OLFM4: variants seen among roughly 807,000 people sequenced by gnomAD.
The protein encoded by OLFM4 is olfactomedin-4.
Under a neutral mutation model 25.5 loss-of-function variants are expected in OLFM4, and 22 were observed. The ratio of observed to expected loss-of-function variants is 0.86; its 90% CI spans 0.62 to 1.23. OLFM4 has a LOEUF of 1.23. OLFM4 is among the 50% of genes most tolerant of loss of function. OLFM4 has a pLI of 0.00. For synonymous variants in OLFM4, 255 were observed against 237.7 expected, an observed-to-expected ratio of 1.07 and a Z score of -0.67; for missense variants, 594 against 619.4, an observed-to-expected ratio of 0.96 and a Z score of 0.44.
At position 53,041,981 on chromosome 13, in the gene OLFM4, C is replaced by A; in HGVS notation, c.429C>A (p.Ile143=). 1 of 1,613,856 alleles carries A rather than the reference C, an allele frequency of 6.2e-7. No homozygotes were observed. Among genetic ancestry groups the A allele is most frequent in the Non-Finnish European group, 8.5e-7 (1 of 1,179,816 alleles). Reference sequence around the variant, plus strand: ...TAAACCTAACTGTCCGAATTGACATCATGGAGAAGGATACCATTTCTTACA... The same window carrying A: ...TAAACCTAACTGTCCGAATTGACATAATGGAGAAGGATACCATTTCTTACA... ...KLLNLTVRID[I]MEKDTISYTE... The change falls in exon 3 of 5, where the codon ATC becomes ATA. Residue 143 remains isoleucine, a synonymous_variant. Coordinates refer to ENST00000219022, the MANE Select transcript of OLFM4 (RefSeq NM_006418.5).
chr13:53,039,603 A>T (rs1461611298), intron 2 of OLFM4, among the ~76,000 whole-genome samples: 7 of 152,184 alleles, frequency 4.6e-5, no homozygotes, highest in African/African-American at 1.7e-4. Context: ...ATTTGGGAGG[A>T]TGTGTGTAGA....
chr13:53,042,981 C>A, intron 3 of OLFM4, 124 bp from the exon 4 acceptor site: 1 of 697,784 alleles, frequency 1.4e-6, no homozygotes, highest in Non-Finnish European at 2.3e-6. Flanking sequence ...CAAATGAAAC[C>A]ATTCAGAAGA....
chr13:53,034,229 T>C, intron 1 of OLFM4, 119 bp from the exon 2 acceptor site: 1 of 859,358 alleles, frequency 1.2e-6, no homozygotes. Context: ...TATTCATTTA[T>C]GTATTGGACT....
At chr13:53,036,325 A>G (rs557918395) in intron 2 of OLFM4, among the ~76,000 whole-genome samples, 2 of 152,364 alleles carry the variant, frequency 1.3e-5, no homozygotes, top group East Asian at 3.9e-4. Flanking sequence ...GCATAAAAAC[A>G]TAACAAGTAG....
intron 1 of OLFM4, among the ~76,000 whole-genome samples, chr13:53,029,331 A>G (rs1954616257): frequency 6.6e-6 from 1 of 152,166 alleles, no homozygotes; most frequent in Admixed American, 6.5e-5. Context: ...GGGGACTCTA[A>G]AAGTACAGAT....
chr13:53,031,501 G>A (rs1165041548), intron 1 of OLFM4, among the ~76,000 whole-genome samples: 3 of 152,196 alleles, frequency 2.0e-5, no homozygotes, highest in Middle Eastern at 3.4e-3. Context: ...TGCCTCAGAC[G>A]TCTCCCTCCT....
intron 4 of OLFM4, among the ~76,000 whole-genome samples, chr13:53,043,557 A>T (rs759163310): frequency 1.1e-3 from 160 of 152,184 alleles, no homozygotes; most frequent in Non-Finnish European, 2.0e-3. Flanking sequence ...GGGAACAAAA[A>T]TCTCTATGGT....
chr13:53,045,847 C>T (rs1294860824), intron 4 of OLFM4, among the ~76,000 whole-genome samples: 1 of 152,146 alleles, frequency 6.6e-6, no homozygotes, highest in Admixed American at 6.5e-5. Context: ...AATTGGCCTT[C>T]TACTCATTAA....
chr13:53,036,871 T>C (rs1954661703), intron 2 of OLFM4, among the ~76,000 whole-genome samples: 1 of 152,228 alleles, frequency 6.6e-6, no homozygotes, highest in Non-Finnish European at 1.5e-5. Flanking sequence ...CCCAAGGTCA[T>C]TCCTCTCTTG....
chr13:53,029,020 A>C lies in OLFM4; in HGVS notation c.184A>C (p.Ser62Arg). 1 of 1,614,148 alleles carries C rather than the reference A, an allele frequency of 6.2e-7. No individual in the cohort carries two copies. Among genetic ancestry groups the C allele is most frequent in the Admixed American group, 1.7e-5 (1 of 60,030 alleles). ...CTCCAGCTCCAGCCGCAGCTTAGGC[A>C]GCGGAGGTTCTGTGTCCCAGGTGAG... ...SGSSSSRSLGSGGSVSQLFSN... is the reference protein window; with the variant it reads ...SGSSSSRSLGRGGSVSQLFSN... The change falls in exon 1 of 5, where the codon AGC becomes CGC. Residue 62 changes from serine to arginine, a missense_variant. Physicochemically the swap from Ser to Arg is moderately radical, Grantham distance 110. Transcript: ENST00000219022.
chr13:53,048,984 G>A (rs1048043945), intron 4 of OLFM4, among the ~76,000 whole-genome samples: 1 of 152,110 alleles, frequency 6.6e-6, no homozygotes, highest in Non-Finnish European at 1.5e-5. Flanking sequence ...TCCTGGGATG[G>A]CAGGCATTTC....
chr13:53,044,170 C>T (rs1238705387), intron 4 of OLFM4, among the ~76,000 whole-genome samples: 1 of 152,152 alleles, frequency 6.6e-6, no homozygotes, highest in Non-Finnish European at 1.5e-5. Flanking sequence ...CACACGCTGG[C>T]AATGGATATT....
intron 4 of OLFM4, among the ~76,000 whole-genome samples, chr13:53,046,268 T>TAA (rs946500645): frequency 6.6e-6 from 1 of 152,204 alleles, no homozygotes; most frequent in Non-Finnish European, 1.5e-5. Flanking sequence ...TGTAGGCATA[T>TAA]AATTATTGGC....
chr13:53,030,683 G>A (rs975491463), intron 1 of OLFM4, among the ~76,000 whole-genome samples: 2 of 152,192 alleles, frequency 1.3e-5, no homozygotes, highest in Non-Finnish European at 2.9e-5. Flanking sequence ...TTATCAAGGT[G>A]AAGTCATTAG....
In OLFM4 at chr13:53,034,505, G is replaced by A; in HGVS notation, c.357+5G>A. 1 of 1,599,582 alleles carries A rather than the reference G, an allele frequency of 6.3e-7. No individual in the cohort carries two copies. The highest frequency in any genetic ancestry group is 8.5e-7 in the Non-Finnish European group (1 of 1,174,694). On this transcript the variant is annotated splice_donor_5th_base_variant and intron_variant, in intron 2 of 4. Transcript: ENST00000219022. ...TTTGAGAAAGAACTTTCCAAAGTAA[G>A]CATTTTCTTTTCAAACAATATCTTG...
intron 2 of OLFM4, among the ~76,000 whole-genome samples, chr13:53,041,682 T>C (rs1239015399): frequency 2.0e-5 from 3 of 152,248 alleles, no homozygotes; most frequent in South Asian, 4.1e-4. Context: ...AGCAAAATTA[T>C]GTTTAGCCTA....
At position 53,050,569 on chromosome 13, in the gene OLFM4, G is replaced by A. The variant is rs371811029; in HGVS notation, c.1331G>A (p.Arg444His). 63 of 1,613,908 alleles carry A rather than the reference G, an allele frequency of 3.9e-5. No individual in the cohort carries two copies. Among genetic ancestry groups the A allele is most frequent in the African/African-American group, 3.5e-4 (26 of 74,990 alleles). ...FMVCGVLYAT[R>H]TMNTRTEEIF... The stretch of plus-strand genomic sequence containing the variant: ...GTATGTGGGGTTCTGTATGCCACCC[G>A]TACTATGAACACCAGAACAGAAGAG... The change falls in exon 5 of 5, where the codon CGT (arginine) becomes CAT (histidine). Residue 444 changes from arginine to histidine, a missense_variant. Arg to His is a conservative substitution (Grantham distance 29, BLOSUM62 0). Coordinates refer to ENST00000219022, the MANE Select transcript of OLFM4 (RefSeq NM_006418.5).
intron 1 of OLFM4, among the ~76,000 whole-genome samples, chr13:53,030,372 G>A (rs746301556): frequency 6.6e-5 from 10 of 152,152 alleles, no homozygotes; most frequent in East Asian, 1.9e-4. Flanking sequence ...GCACGATCTC[G>A]GCTCACTGCA....
Position 53,051,572 on chromosome 13 carries a change from C to T in OLFM4, c.*801C>T, listed in dbSNP as rs1954748630. The T allele has an allele frequency of 6.6e-6, 1 of 152,062 alleles. No individual in the cohort carries two copies. The highest frequency in any genetic ancestry group is 1.9e-4 in the East Asian group (1 of 5,184). The allele number at this position is 152,062 out of a possible 1,614,324, so 9.4% of individuals were successfully genotyped here. ...CCCACCAACCCCCTTCTACTGCCTA[C>T]TTTAAAAAAATTAATAGTTTTCTAT... On this transcript the variant is annotated 3_prime_UTR_variant, in exon 5 of 5. Transcript: ENST00000219022.
Sources: allele counts gnomAD v4.1 joint callset (sites outside exome capture counted in the v4.1 genomes callset), GRCh38; gene constraint gnomAD v4.1.1; transcripts MANE v1.5; gene names NCBI Gene and HGNC (gene_info 2026-07-23, HGNC 2026-07-21).